The following PELI2 variants were observed in gnomAD, a reference collection of about 807,000 sequenced individuals.
PELI2 encodes E3 ubiquitin-protein ligase pellino homolog 2.
Under a neutral mutation model 42.3 loss-of-function variants are expected in PELI2, and 23 were observed. The observed-to-expected ratio is 0.54, with a 90% CI of 0.39 to 0.77. PELI2 has a LOEUF of 0.77. PELI2 is among the 30% of genes least tolerant of loss of function. The probability of loss-of-function intolerance (pLI) is 0.00; values close to 1 mark genes in which losing one functional copy is unlikely to be tolerated. For synonymous variants in PELI2, 245 were observed against 212.2 expected (o/e 1.15, Z -1.34); for missense variants, 463 against 553.2 (o/e 0.84, Z 1.64).
chr14:56,282,044 C>G (rs1309800003), intron 3 of PELI2, among the ~76,000 whole-genome samples: 1 of 152,104 alleles, frequency 6.6e-6, no homozygotes, highest in Non-Finnish European at 1.5e-5. Flanking sequence ...TTGTAAAGCT[C>G]TTCTTTCTAG....
intron 2 of PELI2, among the ~76,000 whole-genome samples, chr14:56,179,824 G>C (rs543831586): frequency 7.4e-4 from 112 of 152,148 alleles, no homozygotes; most frequent in Non-Finnish European, 1.1e-3. Flanking sequence ...ATTTAGATGT[G>C]GTCCTTATAA....
At chr14:56,162,190 T>C (rs3912199) in intron 1 of PELI2, among the ~76,000 whole-genome samples, 61,154 of 151,968 alleles carry the variant, frequency 0.4, 13,120 homozygotes, top group South Asian at 0.53. Flanking sequence ...CACCTTATTG[T>C]GCTATTAAAT....
intron 2 of PELI2, among the ~76,000 whole-genome samples, chr14:56,267,264 T>A (rs1435588863): frequency 1.3e-5 from 2 of 152,178 alleles, no homozygotes; most frequent in African/African-American, 4.8e-5. Context: ...TAATTATGTG[T>A]TGTGTACTGT....
chr14:56,228,884 C>T (rs554813484), intron 2 of PELI2, among the ~76,000 whole-genome samples: 5 of 152,312 alleles, frequency 3.3e-5, no homozygotes, highest in South Asian at 2.1e-4. Flanking sequence ...CCTGGAAAAT[C>T]GGGACACTCC....
intron 2 of PELI2, among the ~76,000 whole-genome samples, chr14:56,230,103 A>C (rs1426154936): frequency 6.6e-6 from 1 of 152,244 alleles, no homozygotes; most frequent in African/African-American, 2.4e-5. Flanking sequence ...GACTATGTGA[A>C]AAGACCAAAT....
At chr14:56,215,103 T>C (rs1886855031) in intron 2 of PELI2, among the ~76,000 whole-genome samples, 1 of 152,224 alleles carries the variant, frequency 6.6e-6, no homozygotes, top group South Asian at 2.1e-4. Flanking sequence ...AATCACACAA[T>C]TGAGCTTCTC....
intron 1 of PELI2, among the ~76,000 whole-genome samples, chr14:56,138,192 A>G (rs1481149914): frequency 6.6e-6 from 1 of 152,240 alleles, no homozygotes; most frequent in African/African-American, 2.4e-5. Context: ...TCTCTAAGAA[A>G]TGGCTGTTTT....
chr14:56,256,711 AGT>A (rs1442343795), intron 2 of PELI2, among the ~76,000 whole-genome samples: 1 of 152,198 alleles, frequency 6.6e-6, no homozygotes, highest in Non-Finnish European at 1.5e-5. Context: ...TAAAATTCTG[AGT>A]TAACCTAGTG....
At chr14:56,187,658 C>T (rs1885815335) in intron 2 of PELI2, among the ~76,000 whole-genome samples, 1 of 152,192 alleles carries the variant, frequency 6.6e-6, no homozygotes, top group Non-Finnish European at 1.5e-5. Context: ...TGAAAAAGTA[C>T]TTTATCCTCT....
chr14:56,213,981 A>G lies in PELI2; in HGVS notation c.207+35517A>G, dbSNP rs148296275. ...ATTCTCCCACCTCAGCCTCTCAAGT[A>G]GCTGGAACTACAGGCATGCGACACT... On this transcript the variant is annotated intron_variant, in intron 2 of 5. Transcript: ENST00000267460. Among the ~76,000 whole-genome samples the G allele has an allele frequency of 1.7e-3, 260 of 152,166 alleles. 1 individual carries two copies. Among genetic ancestry groups the G allele is most frequent in the Non-Finnish European group, 2.7e-3 (183 of 68,010 alleles).
At chr14:56,284,947 C>G (rs1444192133) in intron 3 of PELI2, among the ~76,000 whole-genome samples, 1 of 152,202 alleles carries the variant, frequency 6.6e-6, no homozygotes, top group African/African-American at 2.4e-5. Flanking sequence ...CAGCAGTGAA[C>G]TCAGATGGAC....
intron 2 of PELI2, among the ~76,000 whole-genome samples, chr14:56,250,299 A>G (rs116213065): frequency 0.012 from 1,835 of 152,310 alleles, 41 homozygotes; most frequent in African/African-American, 0.042. Context: ...GGTGGCTTAG[A>G]TGAGGTTTTC....
At chr14:56,235,159 C>CAAA (rs1426607823) in intron 2 of PELI2, among the ~76,000 whole-genome samples, 2,192 of 151,976 alleles carry the variant, frequency 0.014, 55 homozygotes, top group African/African-American at 0.05. Context: ...CTTTTAATGG[C>CAAA]AAAAACCACA....
intron 1 of PELI2, among the ~76,000 whole-genome samples, chr14:56,161,455 A>T (rs1884762698): frequency 6.6e-6 from 1 of 152,070 alleles, no homozygotes; most frequent in Non-Finnish European, 1.5e-5. Context: ...TTGTATTTTT[A>T]GTAGAGATGG....
intron 2 of PELI2, among the ~76,000 whole-genome samples, chr14:56,270,963 G>A (rs1350204235): frequency 2.0e-5 from 3 of 152,142 alleles, no homozygotes; most frequent in African/African-American, 7.2e-5. Context: ...AATAAAACCA[G>A]GTAGTCATAT....
At chr14:56,255,573 T>G (rs1328001858) in intron 2 of PELI2, among the ~76,000 whole-genome samples, 3 of 152,100 alleles carry the variant, frequency 2.0e-5, no homozygotes, top group Non-Finnish European at 4.4e-5. Context: ...CCATAGCACA[T>G]GTATGCCTAT....
rs1350398903 is a variant in PELI2 at position 56,273,068 on chromosome 14, C to CAGG, written c.208-6606_208-6604dup. ...CTGTTTTATTCATTATTTTGTGGGT[C>CAGG]AGGAATCTGGGAAGGGCACCACTGA... On this transcript the variant is annotated intron_variant, in intron 2 of 5. Coordinates refer to ENST00000267460, the MANE Select transcript of PELI2 (RefSeq NM_021255.3). This position sits in a 1 kb window ranked among gnomAD's most constrained non-coding sequence, Gnocchi z 4.3. Among the ~76,000 whole-genome samples the CAGG allele has an allele frequency of 2.0e-5, 3 of 152,164 alleles. No individual in the cohort carries two copies. Among genetic ancestry groups the CAGG allele is most frequent in the African/African-American group, 7.2e-5 (3 of 41,436 alleles).
At chr14:56,279,509 G>T (rs1263640383) in intron 2 of PELI2, among the ~76,000 whole-genome samples, 167 bp from the exon 3 acceptor site, 2 of 152,140 alleles carry the variant, frequency 1.3e-5, no homozygotes, top group Non-Finnish European at 2.9e-5. Flanking sequence ...GTGACTCTTG[G>T]CTTGTCTGTG....
At chr14:56,231,799 A>C (rs550427580) in intron 2 of PELI2, among the ~76,000 whole-genome samples, 52 of 152,358 alleles carry the variant, frequency 3.4e-4, no homozygotes, top group African/African-American at 1.2e-3. Context: ...AAAACCCTTC[A>C]ATAAATCAGT....
Sources: allele counts gnomAD v4.1 joint callset (sites outside exome capture counted in the v4.1 genomes callset), GRCh38; gene constraint gnomAD v4.1.1; non-coding constraint Gnocchi (gnomAD v3.1); transcripts MANE v1.5; gene names NCBI Gene and HGNC (gene_info 2026-07-23, HGNC 2026-07-21).